The following TAOK3 variants were observed in gnomAD, a reference collection of about 807,000 sequenced individuals.
TAOK3 encodes the protein serine/threonine-protein kinase TAO3.
Under a neutral mutation model 120.4 loss-of-function variants are expected in TAOK3, and 40 were observed. The ratio of observed to expected loss-of-function variants is 0.33; its 90% CI spans 0.26 to 0.43. The LOEUF (loss-of-function observed/expected upper bound fraction) is 0.43. Among genes scored for constraint, TAOK3 ranks in the 20% least tolerant of loss-of-function variants. The pLI is 1.00. For synonymous variants in TAOK3, 355 were observed against 387.5 expected, an observed-to-expected ratio of 0.92 and a Z score of 0.99; for missense variants, 821 against 1,112.1, an observed-to-expected ratio of 0.74 and a Z score of 3.72.
chr12:118,175,627 C>T (rs2036277496), intron 16 of TAOK3, among the ~76,000 whole-genome samples: 1 of 149,742 alleles, frequency 6.7e-6, no homozygotes, highest in Non-Finnish European at 1.5e-5. Flanking sequence ...AACTCCATCT[C>T]AAAAGAAAAA....
chr12:118,192,346 C>T (rs907300015), intron 13 of TAOK3, among the ~76,000 whole-genome samples: 20 of 152,026 alleles, frequency 1.3e-4, no homozygotes, highest in African/African-American at 4.8e-4. Flanking sequence ...AAATTTTAAC[C>T]CACTTTAAAT....
At chr12:118,334,972 A>G (rs1482986030) in intron 1 of TAOK3, among the ~76,000 whole-genome samples, 1 of 151,552 alleles carries the variant, frequency 6.6e-6, no homozygotes, top group Non-Finnish European at 1.5e-5. Flanking sequence ...TGAGGTCGGG[A>G]GTTTGAGACC....
At position 118,214,906 on chromosome 12, in the gene TAOK3, C is replaced by T. The variant is rs183111155; in HGVS notation, c.644-796G>A. Among the ~76,000 whole-genome samples the T allele has an allele frequency of 5.5e-4, 84 of 151,994 alleles. No individual in the cohort carries two copies. In the East Asian group the frequency reaches 9.8e-3, roughly 18 times the overall value. The stretch of plus-strand genomic sequence containing the variant: ...GATTACAGGCATGAGCCACCATGCC[C>T]GGCTAATTTTGTATTTTTAGTAGAG... On this transcript the variant is annotated intron_variant, in intron 9 of 20. Transcript: ENST00000392533.
rs142919947 is a variant in TAOK3 at position 118,180,104 on chromosome 12, C to A, written c.1566+1267G>T. ...CTGGGATTATAGGCATCTGCCACCACGCCCAGCTAATTTTTGTATTTTTAG... is the reference window on the plus strand; with the variant it reads ...CTGGGATTATAGGCATCTGCCACCAAGCCCAGCTAATTTTTGTATTTTTAG... On this transcript the variant is annotated intron_variant, in intron 15 of 20. Transcript: ENST00000392533. Among the ~76,000 whole-genome samples the A allele has an allele frequency of 6.7e-5, 10 of 150,304 alleles. No individual in the cohort carries two copies. In the South Asian group the frequency reaches 2.1e-3, roughly 32 times the overall value.
chr12:118,176,660 A>G (rs1199216787), intron 16 of TAOK3, among the ~76,000 whole-genome samples: 1 of 152,230 alleles, frequency 6.6e-6, no homozygotes, highest in Non-Finnish European at 1.5e-5. Context: ...ATCTAGGGAT[A>G]GATTTTTAAA....
At chr12:118,187,431 A>G (rs2037143003) in intron 14 of TAOK3, among the ~76,000 whole-genome samples, 1 of 152,182 alleles carries the variant, frequency 6.6e-6, no homozygotes, top group Non-Finnish European at 1.5e-5. Context: ...ATATTTTATG[A>G]TATTCCAGTG....
At position 118,181,569 on chromosome 12, in the gene TAOK3, C is replaced by T. The variant is rs2036724770; in HGVS notation, c.1368G>A (p.Glu456=). The change falls in exon 15 of 21, where the codon GAG becomes GAA. Residue 456 remains glutamate (E), a synonymous_variant. Coordinates refer to ENST00000392533, the MANE Select transcript of TAOK3 (RefSeq NM_016281.4). ...TATAACCTGACATCTGTTCCCGCAA[C>T]TCGTTCTCCTGCTCATGCTCATGGA... ...RQIHEHEQEN[E]LREQMSGYKR... is the part of the protein sequence containing the mutation. 1.2e-6 allele frequency: 2 copies of T among 1,614,220 alleles called. No individual in the cohort carries two copies. The highest frequency in any genetic ancestry group is 4.5e-5 in the East Asian group (2 of 44,870).
chr12:118,276,423 CG>C (rs2041904505), intron 1 of TAOK3, among the ~76,000 whole-genome samples: 2 of 152,160 alleles, frequency 1.3e-5, no homozygotes. Context: ...GTAATATGGC[CG>C]GGCGCGGTGG....
At chr12:118,315,968 G>T (rs2043442546) in intron 1 of TAOK3, among the ~76,000 whole-genome samples, 2 of 152,178 alleles carry the variant, frequency 1.3e-5, no homozygotes, top group African/African-American at 2.4e-5. Context: ...CAGCTTGGTT[G>T]CTGCTGGGAT....
intron 19 of TAOK3, among the ~76,000 whole-genome samples, chr12:118,159,279 T>G (rs1452642110): frequency 6.6e-6 from 1 of 151,278 alleles, no homozygotes; most frequent in African/African-American, 2.4e-5. Context: ...TGTTCTCCCC[T>G]AACCCCCAGT....
intron 20 of TAOK3, 129 bp from the exon 21 acceptor site, chr12:118,151,287 GCGCACA>G (rs758359095): frequency 0.037 from 16,994 of 460,146 alleles, 86 homozygotes; most frequent in African/African-American, 0.074. Context: ...GTGCGCGCGC[GCGCACA>G]CACACACACA....
At chr12:118,240,461 G>A (rs1218867778) in intron 5 of TAOK3, among the ~76,000 whole-genome samples, 3 of 151,982 alleles carry the variant, frequency 2.0e-5, no homozygotes, top group African/African-American at 7.2e-5. Context: ...TTACAGGTGT[G>A]AGCCACCGTG....
At chr12:118,282,407 C>T (rs566059878) in intron 1 of TAOK3, among the ~76,000 whole-genome samples, 1 of 152,318 alleles carries the variant, frequency 6.6e-6, no homozygotes, top group Non-Finnish European at 1.5e-5. Flanking sequence ...AGCTATCACT[C>T]CTATGCCTTT....
At chr12:118,216,028 G>C (rs529583454) in intron 9 of TAOK3, among the ~76,000 whole-genome samples, 1 of 151,936 alleles carries the variant, frequency 6.6e-6, no homozygotes, top group Non-Finnish European at 1.5e-5. Context: ...GGTGAAAATT[G>C]TCTCTACTAA....
chr12:118,317,345 C>A (rs942079972), intron 1 of TAOK3, among the ~76,000 whole-genome samples: 2 of 137,290 alleles, frequency 1.5e-5, no homozygotes, highest in Non-Finnish European at 3.1e-5. Flanking sequence ...GTTGCCCAGG[C>A]TGGAGTGCAG....
At chr12:118,151,930 T>TCACATCAACCA (rs2034476496) in intron 20 of TAOK3, among the ~76,000 whole-genome samples, 6 of 152,180 alleles carry the variant, frequency 3.9e-5, no homozygotes, top group Admixed American at 3.3e-4. Flanking sequence ...ACAGTACCTT[T>TCACATCAACCA]CAGGTGTCAC....
chr12:118,239,644 C>T (rs926286214), intron 5 of TAOK3, among the ~76,000 whole-genome samples: 8 of 151,706 alleles, frequency 5.3e-5, no homozygotes, highest in Non-Finnish European at 1.0e-4. Flanking sequence ...AACAAATACA[C>T]GAGCCAGTAA....
intron 1 of TAOK3, among the ~76,000 whole-genome samples, chr12:118,307,810 T>C (rs1393449629): frequency 1.3e-5 from 2 of 152,132 alleles, no homozygotes; most frequent in African/African-American, 4.8e-5. Flanking sequence ...ACTAAAACAC[T>C]AAAAATGTTA....
At position 118,314,847 on chromosome 12, in the gene TAOK3, T is replaced by A. The variant is rs984061067; in HGVS notation, c.-193-48088A>T. Among the ~76,000 whole-genome samples the A allele has an allele frequency of 7.9e-5, 12 of 152,294 alleles. No individual in the cohort carries two copies. The East Asian group carries it at 2.3e-3, about 29-fold the overall frequency. ...TACTACAACCATTTTATCAGCATAA[T>A]TTAGCACTATCTAGTGAAGTTGAAG... On this transcript the variant is annotated intron_variant, in intron 1 of 20. Transcript: ENST00000392533.
Sources: gnomAD v4.1 joint callset for allele counts (sites outside exome capture counted in the v4.1 genomes callset) on GRCh38, gnomAD v4.1.1 for gene constraint, MANE v1.5 for transcripts, NCBI Gene and HGNC (gene_info 2026-07-23, HGNC 2026-07-21) for gene names.